The following PCDHA2 variants were observed in gnomAD, a reference collection of about 807,000 sequenced individuals.
PCDHA2 encodes the protein protocadherin alpha-2.
Under a neutral mutation model 66.0 loss-of-function variants are expected in PCDHA2, and 58 were observed. The observed-to-expected ratio is 0.88, with a 90% confidence interval of 0.71 to 1.09. The LOEUF (loss-of-function observed/expected upper bound fraction) is 1.09. Among genes scored for constraint, PCDHA2 ranks in the 50% least tolerant of loss-of-function variants. The pLI is 0.00. For missense variants in PCDHA2, 1,267 were observed against 1,242.3 expected (o/e 1.02, Z -0.30); for synonymous variants, 634 against 554.0 (o/e 1.14, Z -2.03).
At chr5:140,887,256 C>T (rs1554182988) in intron 1 of PCDHA2, among the ~76,000 whole-genome samples, 1 of 152,002 alleles carries the variant, frequency 6.6e-6, no homozygotes, top group African/African-American at 2.4e-5. Context: ...GCCACCACGC[C>T]CTGCTAATTT....
chr5:140,830,344 G>A, intron 1 of PCDHA2: 2 of 1,614,112 alleles, frequency 1.2e-6, no homozygotes, highest in Non-Finnish European at 1.7e-6. Flanking sequence ...GGTCGTACTC[G>A]CAGCAGAGGC....
chr5:140,863,664 A>ATTTTGC (rs1331349828), intron 1 of PCDHA2: 1 of 285,864 alleles, frequency 3.5e-6, no homozygotes, highest in Non-Finnish European at 6.9e-6. Flanking sequence ...TGCTTTATTT[A>ATTTTGC]TTTTGCTTTT....
intron 1 of PCDHA2, chr5:140,830,029 G>T (rs2150179968): frequency 8.7e-6 from 14 of 1,613,908 alleles, no homozygotes; most frequent in Admixed American, 8.3e-5. Flanking sequence ...CGCGCCACCG[G>T]CTGCTGGTGC....
At chr5:140,853,171 G>T (rs2150529478) in intron 1 of PCDHA2, 1 of 965,252 alleles carries the variant, frequency 1.0e-6, no homozygotes, top group Non-Finnish European at 1.3e-6. Flanking sequence ...GAGCCACCGC[G>T]CCTGGCCTAA....
intron 1 of PCDHA2, among the ~76,000 whole-genome samples, chr5:140,953,720 G>C (rs2094928996): frequency 6.6e-6 from 1 of 152,068 alleles, no homozygotes; most frequent in African/African-American, 2.4e-5. Flanking sequence ...CAGACATTGT[G>C]TTTTGAAATT....
Position 140,849,460 on chromosome 5 carries a change from C to T in PCDHA2, c.2388+52108C>T, listed in dbSNP as rs144662587. The T allele has an allele frequency of 6.9e-6, 11 of 1,588,102 alleles. 3 individuals are homozygous for T. Among genetic ancestry groups the T allele is most frequent in the Non-Finnish European group, 9.5e-6 (11 of 1,161,646 alleles). On this transcript the variant is annotated intron_variant, in intron 1 of 3. Transcript: ENST00000526136. ...AGAGCACACAAGATCCCAGTCGAGG[C>T]TGTCGATAAAGGCTTCCCACCCCTG...
intron 3 of PCDHA2, among the ~76,000 whole-genome samples, chr5:141,003,475 G>A (rs934289848): frequency 2.0e-5 from 3 of 151,932 alleles, no homozygotes; most frequent in Non-Finnish European, 2.9e-5. Flanking sequence ...CCACAGTCTC[G>A]CTAATTTTTA....
At chr5:140,955,590 C>CTT (rs1554221986) in intron 1 of PCDHA2, among the ~76,000 whole-genome samples, 2 of 152,132 alleles carry the variant, frequency 1.3e-5, no homozygotes, top group East Asian at 3.9e-4. Context: ...AAACCTCTTT[C>CTT]TTTTATAAAT....
rs1554120308 is a variant in PCDHA2 at position 140,797,143 on chromosome 5, C to A, written c.2179C>A (p.Pro727Thr). The change falls in exon 1 of 4, where the codon CCC (proline) becomes ACC (threonine). Residue 727 changes from proline (P) to threonine (T), a missense_variant. By Grantham distance (38) the Pro-to-Thr change is conservative. Coordinates refer to ENST00000526136, the MANE Select transcript of PCDHA2 (RefSeq NM_018905.3). ...LYTALRCSVPPTEGARAPGKP... is the reference protein window; with the variant it reads ...LYTALRCSVPTTEGARAPGKP... ...CACTGCGCTGCGGTGCTCGGTGCCA[C>A]CCACCGAGGGTGCGCGCGCGCCAGG... 6.2e-7 allele frequency: 1 copy of A among 1,613,962 alleles called. No homozygotes were observed.
rs2150347815 is a variant in PCDHA2, at chr5:140,842,914, G to A, written c.2388+45562G>A. 19 of 1,594,548 alleles carry A rather than the reference G, an allele frequency of 1.2e-5. 2 individuals carry two copies. The highest frequency in any genetic ancestry group is 1.6e-5 in the Non-Finnish European group (19 of 1,165,450). On this transcript the variant is annotated intron_variant, in intron 1 of 3. Transcript: ENST00000526136. ...TGGACCACGAGGAGCTAGAGCTGCT[G>A]CAGTTCCAGGTGAGCGCGCGCGACG...
rs183641281 is a variant in PCDHA2 at position 140,797,446 on chromosome 5, A to G, written c.2388+94A>G. On this transcript the variant is annotated intron_variant, in intron 1 of 3. Coordinates refer to ENST00000526136, the MANE Select transcript of PCDHA2 (RefSeq NM_018905.3). ...TAGTTATTTAGATTCATAGTTCTTC[A>G]TTTATTTTATATCATCCTACCGTGC... The G allele has an allele frequency of 4.2e-4, 556 of 1,337,682 alleles. 4 individuals are homozygous for G. The highest frequency in any genetic ancestry group is 3.0e-3 in the Middle Eastern group (14 of 4,704). The allele number at this position is 1,337,682 out of a possible 1,614,324, so 82.9% of individuals were successfully genotyped here.
At chr5:140,970,316 A>G (rs547261671) in intron 1 of PCDHA2, among the ~76,000 whole-genome samples, 1 of 152,342 alleles carries the variant, frequency 6.6e-6, no homozygotes, top group African/African-American at 2.4e-5. Flanking sequence ...GTTAAATGAC[A>G]GTACTTCCAA....
In PCDHA2 at chr5:140,801,882, A is replaced by G. The variant is rs782326685; in HGVS notation, c.2388+4530A>G. On this transcript the variant is annotated intron_variant, in intron 1 of 3. Coordinates refer to ENST00000526136, the MANE Select transcript of PCDHA2 (RefSeq NM_018905.3). ...AGAGCTCACTGGCACGACTCAACTA[A>G]AGATCACTGTTTTAGATGTAAACGA... The G allele has an allele frequency of 1.9e-6, 3 of 1,614,186 alleles. No homozygotes were observed. The highest frequency in any genetic ancestry group is 2.5e-6 in the Non-Finnish European group (3 of 1,180,050).
chr5:140,994,732 G>T (rs1159331502), intron 3 of PCDHA2, among the ~76,000 whole-genome samples: 3 of 152,114 alleles, frequency 2.0e-5, no homozygotes, highest in Non-Finnish European at 4.4e-5. Flanking sequence ...ACTGGGTATT[G>T]CAGGATGGCA....
chr5:140,900,227 G>C (rs1425549345), intron 1 of PCDHA2, among the ~76,000 whole-genome samples: 1 of 152,038 alleles, frequency 6.6e-6, no homozygotes, highest in Admixed American at 6.6e-5. Flanking sequence ...CAAATGACTG[G>C]ATCTTGTTTT....
chr5:140,962,107 G>A (rs1010906038), intron 1 of PCDHA2, among the ~76,000 whole-genome samples: 20 of 151,860 alleles, frequency 1.3e-4, no homozygotes, highest in African/African-American at 4.4e-4. Flanking sequence ...GGATGGTCTC[G>A]ATCTCCTAAC....
At chr5:140,839,836 C>A (rs1318845846) in intron 1 of PCDHA2, among the ~76,000 whole-genome samples, 1 of 151,888 alleles carries the variant, frequency 6.6e-6, no homozygotes, top group African/African-American at 2.4e-5. Flanking sequence ...CATGATGAAT[C>A]CATGGAGAAT....
At chr5:140,927,669 T>G in intron 1 of PCDHA2, 1 of 1,614,106 alleles carries the variant, frequency 6.2e-7, no homozygotes. Context: ...AAGCCTTGGA[T>G]CCAGATGAAG....
At chr5:140,839,920 T>G (rs1182223530) in intron 1 of PCDHA2, among the ~76,000 whole-genome samples, 1 of 151,984 alleles carries the variant, frequency 6.6e-6, no homozygotes, top group Non-Finnish European at 1.5e-5. Context: ...AGAAAAACCT[T>G]GAACAAAGAG....
Sources: gnomAD v4.1 joint callset for allele counts (sites outside exome capture counted in the v4.1 genomes callset) on GRCh38, gnomAD v4.1.1 for gene constraint, MANE v1.5 for transcripts, NCBI Gene and HGNC (gene_info 2026-07-23, HGNC 2026-07-21) for gene names.